The following CNTNAP2 variants were observed in gnomAD, a reference collection of about 807,000 sequenced individuals.
CNTNAP2 encodes the protein contactin associated protein 2.
A neutral mutation model predicts 155.2 loss-of-function variants in CNTNAP2; 98 were observed. The observed-to-expected ratio is 0.63, with a 90% CI of 0.54 to 0.75. CNTNAP2 has a LOEUF of 0.75. CNTNAP2 is among the 30% of genes least tolerant of loss of function. The pLI, the probability that CNTNAP2 is intolerant of heterozygous loss-of-function variation, is 0.00. For synonymous variants in CNTNAP2, 651 were observed against 631.2 expected (o/e 1.03, Z -0.47); for missense variants, 1,727 against 1,688.1 (o/e 1.02, Z -0.40).
chr7:147,445,903 T>C (rs1797728750), intron 10 of CNTNAP2, among the ~76,000 whole-genome samples: 1 of 152,086 alleles, frequency 6.6e-6, no homozygotes, highest in Admixed American at 6.6e-5. Context: ...CAAGTGATCA[T>C]CCTGGCTCAG....
At chr7:148,184,629 A>G (rs1351174260) in intron 18 of CNTNAP2, among the ~76,000 whole-genome samples, 1 of 152,236 alleles carries the variant, frequency 6.6e-6, no homozygotes, top group Non-Finnish European at 1.5e-5. Flanking sequence ...TCCTGGATTT[A>G]TGACCAGAAA....
rs148464995 is a variant in CNTNAP2, at chr7:147,201,638, C to T, written c.1348+69129C>T. 6.6e-3 allele frequency among the ~76,000 whole-genome samples: 1,000 copies of T among 152,274 alleles called. 13 individuals carry two copies. Among genetic ancestry groups the T allele is most frequent in the Middle Eastern group, 0.02 (6 of 294 alleles). On this transcript the variant is annotated intron_variant, in intron 8 of 23. Coordinates refer to ENST00000361727, the MANE Select transcript of CNTNAP2 (RefSeq NM_014141.6). ...TAACACCTCTTGACATCCTCACCAG[C>T]ACTGTCACTGGGAACTAATTGGAAG...
intron 16 of CNTNAP2, among the ~76,000 whole-genome samples, chr7:148,146,493 C>T (rs1585150822): frequency 6.6e-6 from 1 of 152,174 alleles, no homozygotes; most frequent in South Asian, 2.1e-4. Context: ...AGCAACCACC[C>T]AATCCATTTG....
At chr7:146,252,933 C>G (rs1799779334) in intron 1 of CNTNAP2, among the ~76,000 whole-genome samples, 1 of 152,114 alleles carries the variant, frequency 6.6e-6, no homozygotes, top group African/African-American at 2.4e-5. Flanking sequence ...GCAAGGACTC[C>G]TGCCATTTAC....
intron 6 of CNTNAP2, among the ~76,000 whole-genome samples, chr7:147,123,903 A>G (rs1305041097): frequency 6.6e-6 from 1 of 152,254 alleles, no homozygotes; most frequent in African/African-American, 2.4e-5. Flanking sequence ...TTAGCCAGGC[A>G]TGGTGGCAGG....
intron 13 of CNTNAP2, among the ~76,000 whole-genome samples, chr7:147,841,352 C>G (rs543143895): frequency 3.4e-4 from 51 of 152,140 alleles, no homozygotes; most frequent in Non-Finnish European, 6.5e-4. Flanking sequence ...TGTTTTCTTT[C>G]AGGCTTTTGT....
At chr7:146,582,283 T>G (rs1010064241) in intron 1 of CNTNAP2, among the ~76,000 whole-genome samples, 1 of 152,268 alleles carries the variant, frequency 6.6e-6, no homozygotes, top group Non-Finnish European at 1.5e-5. Flanking sequence ...AATCACACAT[T>G]TATCTCTTTC....
intron 13 of CNTNAP2, among the ~76,000 whole-genome samples, chr7:147,762,511 A>T (rs1272702247): frequency 3.3e-5 from 5 of 151,926 alleles, no homozygotes; most frequent in Non-Finnish European, 7.4e-5. Context: ...GGGAAGTCCT[A>T]ACTAGAGATG....
intron 14 of CNTNAP2, among the ~76,000 whole-genome samples, chr7:147,927,747 C>A (rs1800422592): frequency 6.6e-6 from 1 of 152,060 alleles, no homozygotes; most frequent in South Asian, 2.1e-4. Flanking sequence ...TACTGATATT[C>A]CCTGGGTGAC....
chr7:148,096,241 G>A (rs572173561), intron 15 of CNTNAP2, among the ~76,000 whole-genome samples: 1 of 151,560 alleles, frequency 6.6e-6, no homozygotes, highest in East Asian at 2.0e-4. Context: ...CGTTTGTCAA[G>A]ATTCTTAAGC....
intron 1 of CNTNAP2, among the ~76,000 whole-genome samples, chr7:146,544,436 T>C (rs1390774183): frequency 7.2e-5 from 11 of 151,996 alleles, no homozygotes; most frequent in Non-Finnish European, 1.6e-4. Flanking sequence ...CTGAATTATA[T>C]CCAGCCTAAA....
intron 21 of CNTNAP2, among the ~76,000 whole-genome samples, chr7:148,271,877 T>C (rs1251194591): frequency 6.6e-6 from 1 of 152,158 alleles, no homozygotes; most frequent in Non-Finnish European, 1.5e-5. Flanking sequence ...GCAACTGATA[T>C]GTACTCCGGC....
At chr7:147,120,839 A>T in intron 5 of CNTNAP2, 140 bp from the exon 6 acceptor site, 1 of 768,196 alleles carries the variant, frequency 1.3e-6, no homozygotes, top group Non-Finnish European at 2.2e-6. Flanking sequence ...GTCGTTACTT[A>T]CTGGTATCCC....
chr7:146,583,310 G>A (rs959333655), intron 1 of CNTNAP2, among the ~76,000 whole-genome samples: 1 of 152,018 alleles, frequency 6.6e-6, no homozygotes, highest in Admixed American at 6.6e-5. Flanking sequence ...AAAGGGAAGC[G>A]AGGCACAGTG....
At chr7:146,727,528 C>T (rs1302273534) in intron 1 of CNTNAP2, among the ~76,000 whole-genome samples, 1 of 152,126 alleles carries the variant, frequency 6.6e-6, no homozygotes, top group African/African-American at 2.4e-5. Flanking sequence ...AATTTAACAC[C>T]AGCACTTACC....
At chr7:147,926,694 G>C (rs181431625) in intron 14 of CNTNAP2, among the ~76,000 whole-genome samples, 2 of 151,996 alleles carry the variant, frequency 1.3e-5, no homozygotes, top group Admixed American at 1.3e-4. Context: ...AAACACGTAA[G>C]ATAAATGTCA....
chr7:147,269,467 G>A (rs1333844067), intron 8 of CNTNAP2, among the ~76,000 whole-genome samples: 1 of 152,090 alleles, frequency 6.6e-6, no homozygotes, highest in East Asian at 1.9e-4. Flanking sequence ...GAGAAGGAGT[G>A]ACTTAGAATC....
intron 13 of CNTNAP2, among the ~76,000 whole-genome samples, chr7:147,765,682 A>G (rs1275525929): frequency 6.6e-6 from 1 of 151,978 alleles, no homozygotes; most frequent in African/African-American, 2.4e-5. Context: ...CGTATAAAGT[A>G]AAAAAAACAT....
intron 21 of CNTNAP2, among the ~76,000 whole-genome samples, chr7:148,368,802 C>T (rs556133489): frequency 1.4e-4 from 21 of 152,158 alleles, no homozygotes; most frequent in African/African-American, 4.6e-4. Flanking sequence ...CTGCATGCAC[C>T]GGTGGTCAGA....
Sources: allele counts gnomAD v4.1 joint callset (sites outside exome capture counted in the v4.1 genomes callset), GRCh38; gene constraint gnomAD v4.1.1; transcripts MANE v1.5; gene names NCBI Gene and HGNC (gene_info 2026-07-23, HGNC 2026-07-21).